GPLD1: variants seen among roughly 807,000 people sequenced by gnomAD.
GPLD1 encodes phosphatidylinositol-glycan-specific phospholipase D.
A neutral mutation model predicts 112.6 loss-of-function variants in GPLD1; 84 were observed. The ratio of observed to expected loss-of-function variants is 0.75; its 90% CI spans 0.63 to 0.89. The LOEUF is 0.89. Ranked by LOEUF, GPLD1 falls within the 40% of genes least tolerant of loss-of-function variation. The pLI, the probability that GPLD1 is intolerant of heterozygous loss-of-function variation, is 0.00. For missense variants in GPLD1, 1,044 were observed against 1,051.5 expected, an observed-to-expected ratio of 0.99 and a Z score of 0.10; for synonymous variants, 386 against 403.8, an observed-to-expected ratio of 0.96 and a Z score of 0.53.
intron 7 of GPLD1, among the ~76,000 whole-genome samples, chr6:24,469,522 G>A (rs1321847504): frequency 1.1e-4 from 10 of 94,344 alleles, no homozygotes; most frequent in Non-Finnish European, 1.5e-4. Context: ...GTAAACTATC[G>A]CAAGAACAAA....
intron 12 of GPLD1, among the ~76,000 whole-genome samples, chr6:24,457,936 G>C (rs1255381422): frequency 3.3e-5 from 5 of 151,820 alleles, no homozygotes; most frequent in African/African-American, 7.3e-5. Context: ...TTTGCTGCCA[G>C]GCAGGCACGA....
intron 3 of GPLD1, among the ~76,000 whole-genome samples, chr6:24,479,515 A>G (rs1764132128): frequency 6.6e-6 from 1 of 152,230 alleles, no homozygotes. Flanking sequence ...AGACATGAAA[A>G]TTGAGATTCT....
chr6:24,451,274 TACCGTCTGGAATCAGCCTAA>T (rs1763073870), intron 14 of GPLD1, among the ~76,000 whole-genome samples: 1 of 152,226 alleles, frequency 6.6e-6, no homozygotes, highest in East Asian at 1.9e-4. Context: ...TTTCTTATCC[TACCGTCTGGAATCAGCCTAA>T]ACCTGAAAGT....
In GPLD1 at chr6:24,447,943, G is replaced by C; in HGVS notation, c.1612C>G (p.Pro538Ala). The change falls in exon 17 of 25, where the codon CCA (proline) becomes GCA (alanine). Residue 538 changes from proline (P) to alanine (A), a missense_variant. Pro to Ala is a conservative substitution (Grantham distance 27). Coordinates refer to ENST00000230036, the MANE Select transcript of GPLD1 (RefSeq NM_001503.4). ...PDLVIGSPFA[P>A]GGGKQKGIVA... ...ATTCCCTTCTGCTTCCCTCCACCTG[G>C]TGCAAAAGGGGAGCCGATGACCAGA... 6.2e-7 allele frequency: 1 copy of C among 1,613,808 alleles called. No individual in the cohort carries two copies. Among genetic ancestry groups the C allele is most frequent in the South Asian group, 1.1e-5 (1 of 91,048 alleles).
intron 12 of GPLD1, among the ~76,000 whole-genome samples, chr6:24,457,001 G>T (rs1461291056): frequency 6.6e-6 from 1 of 152,170 alleles, no homozygotes; most frequent in African/African-American, 2.4e-5. Flanking sequence ...CTCCCTAGTA[G>T]CTGGGATTAC....
At chr6:24,488,819 C>A (rs567594184) in intron 1 of GPLD1, among the ~76,000 whole-genome samples, 2 of 152,254 alleles carry the variant, frequency 1.3e-5, no homozygotes, top group East Asian at 1.9e-4. Flanking sequence ...TGACTCTGCC[C>A]TTGCCCCTAA....
chr6:24,425,213 T>G (rs1289662043), downstream of GPLD1: 1 of 152,242 alleles, frequency 6.6e-6, no homozygotes, highest in African/African-American at 2.4e-5. Context: ...GCTGCTATTT[T>G]GGGTCGTATC....
chr6:24,449,275 G>A (rs1178789275), intron 15 of GPLD1, among the ~76,000 whole-genome samples: 4 of 151,948 alleles, frequency 2.6e-5, no homozygotes. Context: ...GCAAGGGAGG[G>A]CCCTCGACCT....
Position 24,445,748 on chromosome 6 carries a change from C to T in GPLD1, c.1904G>A (p.Trp635Ter), listed in dbSNP as rs1344132174. 3 of 1,613,606 alleles carry T rather than the reference C, an allele frequency of 1.9e-6. No individual in the cohort carries two copies. In the African/African-American group the frequency reaches 4.0e-5, roughly 22 times the overall value. ...YGYFPPNGQS[W>*]FTISGDKAMG... is the part of the protein sequence containing the mutation. The stretch of plus-strand genomic sequence containing the variant: ...TACCTTGTCTCCAGAAATGGTAAAC[C>T]AGCTTTGGCCGTTTGGTGGGAAGTA... The change falls in exon 19 of 25, where the codon TGG becomes TAG. Residue 635 changes from tryptophan to a stop codon, truncating the protein, a stop_gained. Coordinates refer to ENST00000230036, the MANE Select transcript of GPLD1 (RefSeq NM_001503.4). LOFTEE classifies it high-confidence loss of function.
At chr6:24,435,297 C>T (rs985583320) in intron 22 of GPLD1, among the ~76,000 whole-genome samples, 33 of 152,240 alleles carry the variant, frequency 2.2e-4, no homozygotes, top group African/African-American at 7.7e-4. Flanking sequence ...AGGCGTGAGC[C>T]ACTGCGCCCG....
chr6:24,478,747 C>T (rs934971813), intron 3 of GPLD1, among the ~76,000 whole-genome samples: 4 of 127,858 alleles, frequency 3.1e-5, no homozygotes, highest in Non-Finnish European at 6.7e-5. Context: ...TCAAGTGGTC[C>T]TCTTCATGCA....
At chr6:24,453,779 C>T (rs1296554701) in intron 14 of GPLD1, among the ~76,000 whole-genome samples, 1 of 151,756 alleles carries the variant, frequency 6.6e-6, no homozygotes, top group African/African-American at 2.4e-5. Flanking sequence ...CCCAACTGGC[C>T]ACTCAAAGCA....
At chr6:24,480,501 T>C (rs1764166030) in intron 2 of GPLD1, among the ~76,000 whole-genome samples, 1 of 152,196 alleles carries the variant, frequency 6.6e-6, no homozygotes, top group Admixed American at 6.5e-5. Flanking sequence ...AGCTGGTTTT[T>C]TATAAAATTT....
At chr6:24,448,722 G>GCC (rs1762989551) in intron 15 of GPLD1, among the ~76,000 whole-genome samples, 1 of 152,118 alleles carries the variant, frequency 6.6e-6, no homozygotes, top group Non-Finnish European at 1.5e-5. Context: ...CTTCCATGAA[G>GCC]CCCCCGGGCC....
chr6:24,441,665 C>G (rs180777167), intron 20 of GPLD1, among the ~76,000 whole-genome samples: 315 of 152,258 alleles, frequency 2.1e-3, no homozygotes, highest in African/African-American at 7.1e-3. Context: ...TGTACAGTGC[C>G]GAGAGAAGCT....
chr6:24,441,050 C>A (rs1762730097), intron 20 of GPLD1, among the ~76,000 whole-genome samples: 1 of 152,116 alleles, frequency 6.6e-6, no homozygotes, highest in African/African-American at 2.4e-5. Flanking sequence ...CGCCTGTAAT[C>A]CCAGCACTGT....
chr6:24,493,358 C>G (rs1764604998), upstream of GPLD1, among the ~76,000 whole-genome samples: 1 of 152,112 alleles, frequency 6.6e-6, no homozygotes, highest in Non-Finnish European at 1.5e-5. Context: ...CACCTGTAGC[C>G]CCATCTACTC....
intron 14 of GPLD1, 137 bp from the exon 15 acceptor site, chr6:24,450,036 A>C: frequency 1.7e-6 from 1 of 594,654 alleles, no homozygotes; most frequent in South Asian, 2.1e-5. Context: ...GTAAGCTATA[A>C]CATATCTGCA....
intron 10 of GPLD1, among the ~76,000 whole-genome samples, chr6:24,465,551 A>C (rs1250238710): frequency 2.6e-5 from 4 of 152,018 alleles, no homozygotes; most frequent in Non-Finnish European, 5.9e-5. Flanking sequence ...AAAACAAAAA[A>C]CAAAAACACA....
Sources: gnomAD v4.1 joint callset for allele counts (sites outside exome capture counted in the v4.1 genomes callset) on GRCh38, gnomAD v4.1.1 for gene constraint, MANE v1.5 for transcripts, NCBI Gene and HGNC (gene_info 2026-07-23, HGNC 2026-07-21) for gene names.